Variants in UFM1 observed in about 807,000 individuals in gnomAD.
The protein encoded by UFM1 is ubiquitin fold modifier 1, also known as ubiquitin-fold modifier 1.
Under a neutral mutation model 15.4 loss-of-function variants are expected in UFM1, and 9 were observed. The ratio of observed to expected loss-of-function variants is 0.59; its 90% CI spans 0.35 to 1.02. The LOEUF (loss-of-function observed/expected upper bound fraction) is 1.02. Among genes scored for constraint, UFM1 ranks in the 50% least tolerant of loss-of-function variants. The pLI, the probability that UFM1 is intolerant of heterozygous loss-of-function variation, is 0.02. For synonymous variants in UFM1, 27 were observed against 36.3 expected, an observed-to-expected ratio of 0.74 and a Z score of 0.92; for missense variants, 98 against 104.7, an observed-to-expected ratio of 0.94 and a Z score of 0.28.
At chr13:38,356,235 A>G (rs758117044) in intron 3 of UFM1, among the ~76,000 whole-genome samples, 3 of 151,932 alleles carry the variant, frequency 2.0e-5, no homozygotes, top group Non-Finnish European at 4.4e-5. Flanking sequence ...GGATGTGACT[A>G]AGAAAATACA....
chr13:38,360,697 G>T lies in UFM1; in HGVS notation c.191-14G>T, dbSNP rs760592694. 47 of 1,580,818 alleles carry T rather than the reference G, an allele frequency of 3.0e-5. No homozygotes were observed. Among genetic ancestry groups the T allele is most frequent in the Non-Finnish European group, 3.9e-5 (45 of 1,158,372 alleles). On this transcript the variant is annotated splice_polypyrimidine_tract_variant and intron_variant, in intron 5 of 5. Transcript: ENST00000239878. ...TTTTAGATATCTAACTTTATGTTTT[G>T]TTTGTTTGTATAGGAAATGTTTTTC...
intron 2 of UFM1, 49 bp downstream of exon 2, chr13:38,350,104 C>T: frequency 6.2e-7 from 1 of 1,614,190 alleles, no homozygotes; most frequent in Non-Finnish European, 8.5e-7. Flanking sequence ...CAAGACGGGG[C>T]TGGGTTGGGG....
rs1319358506 is a variant in UFM1, at chr13:38,362,898, T to A, written c.*2120T>A. The A allele has an allele frequency of 6.6e-6, 1 of 152,246 alleles. No homozygotes were observed. The highest frequency in any genetic ancestry group is 1.5e-5 in the Non-Finnish European group (1 of 68,036). The allele number at this position is 152,246 out of a possible 1,614,324, so 9.4% of individuals were successfully genotyped here. A position where few individuals can be genotyped will look rare whatever the true frequency, so the allele number is the denominator to read the frequency against. ...ACATTTTGTTATTAAAAAAATGTGA[T>A]CTGTAATTTCTTTGTGCAGAATGAT... On this transcript the variant is annotated 3_prime_UTR_variant, in exon 6 of 6. Transcript: ENST00000239878.
intron 2 of UFM1, among the ~76,000 whole-genome samples, chr13:38,353,539 G>GA (rs200415388): frequency 6.4e-4 from 95 of 147,610 alleles, no homozygotes; most frequent in Non-Finnish European, 5.7e-4. Flanking sequence ...AAGTCATTAA[G>GA]AAAAAAAAAA....
At chr13:38,350,891 A>G (rs1021740255) in intron 2 of UFM1, among the ~76,000 whole-genome samples, 10 of 152,162 alleles carry the variant, frequency 6.6e-5, no homozygotes, top group African/African-American at 2.4e-4. Flanking sequence ...TTCATCTCCA[A>G]AATATCCCTG....
At chr13:38,354,352 A>G in intron 3 of UFM1, 56 bp downstream of exon 3, 2 of 1,517,620 alleles carry the variant, frequency 1.3e-6, no homozygotes, top group South Asian at 1.2e-5. Flanking sequence ...ATATGCTTCA[A>G]ATGTCTTTAA....
intron 3 of UFM1, among the ~76,000 whole-genome samples, chr13:38,356,680 C>G (rs1475409524): frequency 7.1e-6 from 1 of 140,092 alleles, no homozygotes; most frequent in Non-Finnish European, 1.5e-5. Context: ...ACAACTAGAA[C>G]CACACACAAA....
intron 3 of UFM1, 150 bp from the exon 4 acceptor site, chr13:38,357,943 T>C (rs1055773761): frequency 2.7e-6 from 1 of 367,194 alleles, no homozygotes; most frequent in Non-Finnish European, 4.7e-6. Context: ...AGCTGTACTT[T>C]CCTTGATAGT....
intron 2 of UFM1, among the ~76,000 whole-genome samples, chr13:38,353,545 A>T (rs979411090): frequency 2.0e-5 from 3 of 152,080 alleles, no homozygotes; most frequent in Non-Finnish European, 4.4e-5. Flanking sequence ...TTAAGAAAAA[A>T]AAAATATATT....
At chr13:38,359,229 C>A in intron 4 of UFM1, 72 bp from the exon 5 acceptor site, 2 of 1,485,100 alleles carry the variant, frequency 1.3e-6, no homozygotes, top group Non-Finnish European at 1.9e-6. Flanking sequence ...TTTGGCAAAT[C>A]TCTTTCCTTG....
At chr13:38,355,727 T>C (rs1879065661) in intron 3 of UFM1, among the ~76,000 whole-genome samples, 1 of 151,906 alleles carries the variant, frequency 6.6e-6, no homozygotes, top group Admixed American at 6.6e-5. Flanking sequence ...GTATATTTAC[T>C]ATTCATTAAG....
rs1448378497 is a variant in UFM1, at chr13:38,361,484, A to C, written c.*706A>C. 1.3e-5 allele frequency: 2 copies of C among 152,206 alleles called. No individual in the cohort carries two copies. The highest frequency in any genetic ancestry group is 4.8e-5 in the African/African-American group (2 of 41,468). 9.4% of individuals were successfully genotyped at this position (152,206 alleles called of 1,614,324 possible). On this transcript the variant is annotated 3_prime_UTR_variant, in exon 6 of 6. Coordinates refer to ENST00000239878, the MANE Select transcript of UFM1 (RefSeq NM_016617.4). ...AGAAGCATCCTTTGCTGAGTTATAC[A>C]TTCCTTTATCAATCTCTTTTGATAC...
Position 38,360,979 on chromosome 13 carries a change from C to A in UFM1, c.*201C>A. On this transcript the variant is annotated 3_prime_UTR_variant, in exon 6 of 6. Transcript: ENST00000239878. ...GCGTATGAATTAAGGCTACTACTGT[C>A]ACAGAAGATCATAGTCTTTGATGCT... 2.4e-6 allele frequency: 1 copy of A among 421,280 alleles called. No homozygotes were observed. The allele number at this position is 421,280 out of a possible 1,614,324, so 26.1% of individuals were successfully genotyped here.
At position 38,363,214 on chromosome 13, in the gene UFM1, T is replaced by G. The variant is rs1436395459; in HGVS notation, c.*2436T>G. On this transcript the variant is annotated 3_prime_UTR_variant, in exon 6 of 6. Coordinates refer to ENST00000239878, the MANE Select transcript of UFM1 (RefSeq NM_016617.4). ...CCGTGGTCCCATATTACTATATTTTTACTGTGCTTTATCTATGTTTGGATA... is the reference window on the plus strand; with the variant it reads ...CCGTGGTCCCATATTACTATATTTTGACTGTGCTTTATCTATGTTTGGATA... 2 of 152,262 alleles carry G rather than the reference T, an allele frequency of 1.3e-5. No individual in the cohort carries two copies. Among genetic ancestry groups the G allele is most frequent in the Non-Finnish European group, 1.5e-5 (1 of 68,044 alleles). The allele number at this position is 152,262 out of a possible 1,614,324, so 9.4% of individuals were successfully genotyped here.
rs755055509 is a variant in UFM1, at chr13:38,358,180, G to C, written c.157+48G>C. 1.4e-5 allele frequency: 17 copies of C among 1,203,304 alleles called. No homozygotes were observed. The East Asian group carries it at 4.7e-4, about 33-fold the overall frequency. The allele number at this position is 1,203,304 out of a possible 1,614,324, so 74.5% of individuals were successfully genotyped here. A position where few individuals can be genotyped will look rare whatever the true frequency, so the allele number is the denominator to read the frequency against. On this transcript the variant is annotated intron_variant, in intron 4 of 5. Transcript: ENST00000239878. Reference sequence around the variant, plus strand: ...TGTATTACCTCAAATTTATAGAAATGGTGTAAAAGGAACCAAATTAATTAA... The same window carrying C: ...TGTATTACCTCAAATTTATAGAAATCGTGTAAAAGGAACCAAATTAATTAA...
chr13:38,356,808 A>G (rs996473166), intron 3 of UFM1, among the ~76,000 whole-genome samples: 34 of 151,746 alleles, frequency 2.2e-4, no homozygotes, highest in African/African-American at 7.7e-4. Flanking sequence ...TGAGAAGACC[A>G]CTAGTTAAAT....
At chr13:38,358,168 A>G in intron 4 of UFM1, 36 bp downstream of exon 4, 1 of 1,311,202 alleles carries the variant, frequency 7.6e-7, no homozygotes, top group Non-Finnish European at 1.0e-6. Context: ...ATTACCTCAA[A>G]TTTATAGAAA....
intron 5 of UFM1, chr13:38,359,992 ATATTC>A (rs1371402263): frequency 3.0e-6 from 1 of 328,472 alleles, no homozygotes; most frequent in Non-Finnish European, 6.0e-6. Flanking sequence ...TTTTTAAATT[ATATTC>A]TAAAGTATTT....
chr13:38,358,489 C>T (rs1420466262), intron 4 of UFM1, among the ~76,000 whole-genome samples: 2 of 151,324 alleles, frequency 1.3e-5, no homozygotes, highest in Non-Finnish European at 3.0e-5. Context: ...TTTGCTATAC[C>T]TTTCCTGATA....
Sources: allele counts gnomAD v4.1 joint callset (sites outside exome capture counted in the v4.1 genomes callset), GRCh38; gene constraint gnomAD v4.1.1; transcripts MANE v1.5; gene names NCBI Gene and HGNC (gene_info 2026-07-23, HGNC 2026-07-21).